Variants in APOLD1 observed in about 807,000 individuals in gnomAD.
The protein encoded by APOLD1 is apolipoprotein L domain-containing protein 1.
In APOLD1, 22 loss-of-function variants were observed where a neutral mutation model predicts 15.3. The observed-to-expected ratio is 1.44, with a 90% CI of 1.03 to 2.05. The LOEUF is 2.05. APOLD1 is among the 30% of genes most tolerant of loss of function. The pLI, the probability that APOLD1 is intolerant of heterozygous loss-of-function variation, is 0.00. For synonymous variants in APOLD1, 190 were observed against 167.4 expected, an observed-to-expected ratio of 1.13 and a Z score of -1.04; for missense variants, 394 against 353.5, an observed-to-expected ratio of 1.11 and a Z score of -0.92.
chr12:12,726,155 C>CG (rs1946590968), intron 1 of APOLD1: 1 of 222,246 alleles, frequency 4.5e-6, no homozygotes, highest in African/African-American at 1.2e-4. Flanking sequence ...CTCTTCGCAA[C>CG]CAAAAAAAAA....
chr12:12,787,271 G>A lies in APOLD1; in HGVS notation c.366G>A (p.Glu122=). Residue 122 remains glutamate (E), a synonymous_variant, in exon 2 of 2, where the codon GAG becomes GAA. Transcript: ENST00000356591. The surrounding 1 kb of genome is among the most constrained non-coding windows in gnomAD (Gnocchi z 4.9). ...CCCGGGAGCTGCGGAGGGTGCAGGAGATCGCGGCCACCTGCCAGGACCAGA... is the reference window on the plus strand; with the variant it reads ...CCCGGGAGCTGCGGAGGGTGCAGGAAATCGCGGCCACCTGCCAGGACCAGA... ...CNSRELRRVQ[E]IAATCQDQMR... The A allele has an allele frequency of 6.3e-7, 1 of 1,598,588 alleles. No individual in the cohort carries two copies. The highest frequency in any genetic ancestry group is 8.5e-7 in the Non-Finnish European group (1 of 1,173,848).
At chr12:12,753,248 A>T (rs1331368558) in intron 1 of APOLD1, among the ~76,000 whole-genome samples, 1 of 152,256 alleles carries the variant, frequency 6.6e-6, no homozygotes, top group East Asian at 1.9e-4. Context: ...GAATTAACAC[A>T]GCAAGAAGAT....
chr12:12,747,468 C>T (rs1266683972), intron 1 of APOLD1, among the ~76,000 whole-genome samples: 2 of 152,166 alleles, frequency 1.3e-5, no homozygotes, highest in African/African-American at 2.4e-5. Context: ...CTTTGGAATC[C>T]AGCCAGCATG....
At chr12:12,768,929 C>T (rs189041515) in intron 1 of APOLD1, among the ~76,000 whole-genome samples, 22 of 151,830 alleles carry the variant, frequency 1.4e-4, no homozygotes, top group Middle Eastern at 3.4e-3. Context: ...GTAAGGAGCT[C>T]AGAAGTCACT....
intron 1 of APOLD1, among the ~76,000 whole-genome samples, chr12:12,742,116 C>G (rs535957207): frequency 6.6e-6 from 1 of 152,122 alleles, no homozygotes; most frequent in Non-Finnish European, 1.5e-5. Flanking sequence ...AGAACAGAGC[C>G]CCAGCTATGT....
At chr12:12,781,046 T>A (rs148934240), upstream of APOLD1, among the ~76,000 whole-genome samples, 3 of 152,202 alleles carry the variant, frequency 2.0e-5, no homozygotes, top group Non-Finnish European at 2.9e-5. Context: ...CCTGTGACTA[T>A]ATTGTGAATA....
At chr12:12,783,176 A>T (rs1034185809), upstream of APOLD1, among the ~76,000 whole-genome samples, 1 of 152,172 alleles carries the variant, frequency 6.6e-6, no homozygotes, top group Non-Finnish European at 1.5e-5. Context: ...ACTGTACTCT[A>T]GCCTGGGCGA....
At chr12:12,764,678 C>A (rs775155989) in intron 1 of APOLD1, 4 of 490,006 alleles carry the variant, frequency 8.2e-6, no homozygotes, top group Non-Finnish European at 1.7e-5. Flanking sequence ...GTGAAGGGAC[C>A]CTTCCTGTAG....
In APOLD1 at chr12:12,787,288, A is replaced by G. The variant is rs773146583; in HGVS notation, c.383A>G (p.Gln128Arg). Residue 128 changes from glutamine (Q) to arginine (R), a missense_variant, in exon 2 of 2, where the codon CAG becomes CGG. Physicochemically the swap from Gln to Arg is conservative, Grantham distance 43. Coordinates refer to ENST00000356591, the MANE Select transcript of APOLD1 (RefSeq NM_030817.3). The surrounding 1 kb of genome is among the most constrained non-coding windows in gnomAD (Gnocchi z 4.9). Reference protein sequence around the residue: ...RRVQEIAATCQDQMREILSCL... With the variant: ...RRVQEIAATCRDQMREILSCL... Reference sequence around the variant, plus strand: ...GTGCAGGAGATCGCGGCCACCTGCCAGGACCAGATGCGAGAGATCCTGAGC... The same window carrying G: ...GTGCAGGAGATCGCGGCCACCTGCCGGGACCAGATGCGAGAGATCCTGAGC... The G allele has an allele frequency of 6.2e-7, 1 of 1,607,588 alleles. No individual in the cohort carries two copies. Among genetic ancestry groups the G allele is most frequent in the South Asian group, 1.1e-5 (1 of 90,596 alleles).
At chr12:12,746,510 A>AATAAATACAAATAC (rs1555089060) in intron 1 of APOLD1, among the ~76,000 whole-genome samples, 4 of 149,838 alleles carry the variant, frequency 2.7e-5, no homozygotes, top group African/African-American at 4.9e-5. Flanking sequence ...TAAATAAATA[A>AATAAATACAAATAC]ATAAATACAT....
intron 1 of APOLD1, among the ~76,000 whole-genome samples, chr12:12,739,838 A>C (rs1946718491): frequency 7.1e-6 from 1 of 140,372 alleles, no homozygotes. Context: ...TTTTTTTGAG[A>C]CAGAGTCTCA....
chr12:12,777,911 T>G (rs1030808459), intron 1 of APOLD1, among the ~76,000 whole-genome samples: 5 of 34,292 alleles, frequency 1.5e-4, no homozygotes, highest in Non-Finnish European at 3.4e-4. Context: ...TTTTTTTTTT[T>G]TTTTTTTTTT....
chr12:12,752,143 G>A (rs1213005524), intron 1 of APOLD1, among the ~76,000 whole-genome samples: 1 of 152,190 alleles, frequency 6.6e-6, no homozygotes, highest in Non-Finnish European at 1.5e-5. Context: ...GTGGAAAGAA[G>A]AGACCTTCTA....
At chr12:12,752,889 T>G (rs1237582066) in intron 1 of APOLD1, among the ~76,000 whole-genome samples, 1 of 152,206 alleles carries the variant, frequency 6.6e-6, no homozygotes, top group Non-Finnish European at 1.5e-5. Context: ...TTGCTATCCC[T>G]TCTCTATCTG....
At chr12:12,738,565 A>G (rs59695389) in intron 1 of APOLD1, among the ~76,000 whole-genome samples, 1,944 of 152,294 alleles carry the variant, frequency 0.013, 31 homozygotes, top group African/African-American at 0.045. Flanking sequence ...AGAATTTCAA[A>G]TGATGCTTTA....
intron 1 of APOLD1, among the ~76,000 whole-genome samples, chr12:12,765,697 C>A (rs927998337): frequency 1.3e-5 from 2 of 152,058 alleles, no homozygotes; most frequent in African/African-American, 4.8e-5. Flanking sequence ...ATGGTGAAAC[C>A]CCATCTCTAC....
upstream of APOLD1, among the ~76,000 whole-genome samples, chr12:12,784,948 G>C: frequency 6.6e-6 from 1 of 152,146 alleles, no homozygotes; most frequent in East Asian, 1.9e-4. Flanking sequence ...TGAAAACCTG[G>C]GAAGCCAATG....
chr12:12,742,205 C>A (rs909016378), intron 1 of APOLD1, among the ~76,000 whole-genome samples: 1 of 151,990 alleles, frequency 6.6e-6, no homozygotes, highest in Non-Finnish European at 1.5e-5. Context: ...AACAAAATTA[C>A]GAGGTTGCTT....
At chr12:12,783,501 C>T (rs1050831732), upstream of APOLD1, among the ~76,000 whole-genome samples, 44 of 151,646 alleles carry the variant, frequency 2.9e-4, no homozygotes, top group African/African-American at 1.0e-3. Flanking sequence ...TTAGTAGAGA[C>T]GGGGTCTTAC....
Sources: gnomAD v4.1 joint callset for allele counts (sites outside exome capture counted in the v4.1 genomes callset) on GRCh38, gnomAD v4.1.1 for gene constraint, Gnocchi (gnomAD v3.1) non-coding constraint, MANE v1.5 for transcripts, NCBI Gene and HGNC (gene_info 2026-07-23, HGNC 2026-07-21) for gene names.